Variants in PDSS2 observed in about 807,000 individuals in gnomAD.
PDSS2 encodes the protein all trans-polyprenyl-diphosphate synthase PDSS2.
PDSS2 carries 31 observed loss-of-function variants against 44.5 expected under a neutral mutation model. That is an observed-to-expected ratio of 0.70 (90% CI 0.52 to 0.94). The LOEUF is 0.94. Ranked by LOEUF, PDSS2 falls within the 40% of genes least tolerant of loss-of-function variation. The probability of loss-of-function intolerance (pLI) is 0.00; values close to 1 mark genes in which losing one functional copy is unlikely to be tolerated. For missense variants in PDSS2, 452 were observed against 482.2 expected (o/e 0.94, Z 0.59); for synonymous variants, 157 against 180.3 (o/e 0.87, Z 1.03).
At chr6:107,180,397 T>C (rs1474971800) in intron 7 of PDSS2, among the ~76,000 whole-genome samples, 1 of 152,138 alleles carries the variant, frequency 6.6e-6, no homozygotes, top group Non-Finnish European at 1.5e-5. Context: ...TGAGAGGCAT[T>C]GAGGATGTAA....
chr6:107,358,517 TTATTC>T (rs1778659430), intron 1 of PDSS2, among the ~76,000 whole-genome samples: 1 of 152,216 alleles, frequency 6.6e-6, no homozygotes, highest in South Asian at 2.1e-4. Flanking sequence ...TGTTAGGTGA[TTATTC>T]TACACTTCTT....
chr6:107,192,226 A>G, intron 7 of PDSS2: 1 of 314,726 alleles, frequency 3.2e-6, no homozygotes, highest in Non-Finnish European at 6.1e-6. Flanking sequence ...AGTGGCAGAT[A>G]TGGAAGCCCT....
At chr6:107,289,250 G>A (rs1776263391) in intron 2 of PDSS2, among the ~76,000 whole-genome samples, 1 of 151,546 alleles carries the variant, frequency 6.6e-6, no homozygotes, top group South Asian at 2.1e-4. Flanking sequence ...GCAGGCACCT[G>A]CAATCCCAGC....
chr6:107,334,368 C>T (rs1029626352), intron 1 of PDSS2, 36 bp from the exon 2 acceptor site: 3 of 1,599,838 alleles, frequency 1.9e-6, no homozygotes, highest in African/African-American at 2.7e-5. Flanking sequence ...GATTAATATA[C>T]CCTCACGAGA....
intron 2 of PDSS2, among the ~76,000 whole-genome samples, chr6:107,319,035 CACACACACT>C (rs1777301766): frequency 6.6e-6 from 1 of 151,758 alleles, no homozygotes; most frequent in Non-Finnish European, 1.5e-5. Context: ...CATACACACA[CACACACACT>C]ACACACACAC....
chr6:107,389,613 T>C (rs1198403763), intron 1 of PDSS2, among the ~76,000 whole-genome samples: 2 of 152,160 alleles, frequency 1.3e-5, no homozygotes, highest in Non-Finnish European at 2.9e-5. Flanking sequence ...TGGTATTGGA[T>C]TGGAGACAGA....
intron 4 of PDSS2, among the ~76,000 whole-genome samples, chr6:107,214,381 GCT>G (rs1773339714): frequency 6.6e-6 from 1 of 152,018 alleles, no homozygotes; most frequent in African/African-American, 2.4e-5. Flanking sequence ...GTGAGCCACC[GCT>G]CCCGGCCTTT....
intron 2 of PDSS2, among the ~76,000 whole-genome samples, chr6:107,322,817 T>C (rs370911605): frequency 6.6e-6 from 1 of 152,100 alleles, no homozygotes. Flanking sequence ...AGGGAGACCC[T>C]GTCTCAAAAA....
At chr6:107,393,616 A>G (rs9486605) in intron 1 of PDSS2, among the ~76,000 whole-genome samples, 10,534 of 152,240 alleles carry the variant, frequency 0.069, 431 homozygotes, top group Non-Finnish European at 0.092. Flanking sequence ...ATCTCCTACT[A>G]TAACTATGGA....
Position 107,365,766 on chromosome 6 carries a change from T to C in PDSS2, c.297-31434A>G, listed in dbSNP as rs578212327. ...TAAATAGACACTTAGATAAGAAATA[T>C]TACTGGAGACAATGAAGGACATTTC... On this transcript the variant is annotated intron_variant, in intron 1 of 7. Transcript: ENST00000369037. Among the ~76,000 whole-genome samples, 14 of 152,220 alleles carry C rather than the reference T, an allele frequency of 9.2e-5. No homozygotes were observed. The South Asian group carries it at 2.9e-3, about 32-fold the overall frequency.
chr6:107,307,952 T>C (rs1331051822), intron 2 of PDSS2, among the ~76,000 whole-genome samples: 2 of 152,208 alleles, frequency 1.3e-5, no homozygotes, highest in African/African-American at 4.8e-5. Context: ...CTATAAGGAA[T>C]AAGATAAATG....
chr6:107,436,056 T>C (rs1203050637), intron 1 of PDSS2, among the ~76,000 whole-genome samples: 1 of 152,144 alleles, frequency 6.6e-6, no homozygotes, highest in Admixed American at 6.5e-5. Context: ...TTCCAAAAAA[T>C]ATTAAATCAG....
At chr6:107,226,224 G>GA (rs1189863442) in intron 4 of PDSS2, among the ~76,000 whole-genome samples, 1 of 152,192 alleles carries the variant, frequency 6.6e-6, no homozygotes, top group East Asian at 1.9e-4. Context: ...CAGGAGAATA[G>GA]CGTGAACCTG....
At chr6:107,246,542 A>C (rs1335468292) in intron 3 of PDSS2, among the ~76,000 whole-genome samples, 1 of 152,198 alleles carries the variant, frequency 6.6e-6, no homozygotes, top group Non-Finnish European at 1.5e-5. Context: ...TGATTGAATT[A>C]AAGGATTTTG....
At chr6:107,453,090 G>T (rs1447987100) in intron 1 of PDSS2, among the ~76,000 whole-genome samples, 1 of 150,058 alleles carries the variant, frequency 6.7e-6, no homozygotes, top group African/African-American at 2.5e-5. Flanking sequence ...TTTTTTTTGA[G>T]ACTGAGTCTT....
intron 2 of PDSS2, among the ~76,000 whole-genome samples, chr6:107,319,584 G>A (rs1416645306): frequency 1.3e-5 from 2 of 152,144 alleles, no homozygotes; most frequent in African/African-American, 2.4e-5. Flanking sequence ...ACCTAAAATG[G>A]ATGAATATAT....
chr6:107,445,445 C>T (rs1781640734), intron 1 of PDSS2, among the ~76,000 whole-genome samples: 1 of 152,104 alleles, frequency 6.6e-6, no homozygotes, highest in Non-Finnish European at 1.5e-5. Flanking sequence ...TAGGAAGGTG[C>T]ATTTTACCCA....
chr6:107,418,234 A>G (rs1780723758), intron 1 of PDSS2, among the ~76,000 whole-genome samples: 1 of 152,194 alleles, frequency 6.6e-6, no homozygotes, highest in African/African-American at 2.4e-5. Flanking sequence ...CAACATAACC[A>G]CAGGGGTGCT....
intron 7 of PDSS2, among the ~76,000 whole-genome samples, chr6:107,171,316 C>T (rs1161450000): frequency 6.6e-6 from 1 of 151,900 alleles, no homozygotes; most frequent in East Asian, 2.0e-4. Flanking sequence ...CACGTGCCAC[C>T]ATGCCTGGCT....
Sources: allele counts gnomAD v4.1 joint callset (sites outside exome capture counted in the v4.1 genomes callset), GRCh38; gene constraint gnomAD v4.1.1; transcripts MANE v1.5; gene names NCBI Gene and HGNC (gene_info 2026-07-23, HGNC 2026-07-21).